EYS: variants seen among roughly 807,000 people sequenced by gnomAD.
EYS encodes the protein EGF-like photoreceptor maintenance factor.
In EYS, 250 loss-of-function variants were observed where a neutral mutation model predicts 282.1. That is an observed-to-expected ratio of 0.89 (90% CI 0.80 to 0.98). The LOEUF (loss-of-function observed/expected upper bound fraction) is 0.98. EYS is among the 50% of genes least tolerant of loss of function. The pLI is 0.00. For missense variants in EYS, 4,016 were observed against 3,709.0 expected (o/e 1.08, Z -2.15); for synonymous variants, 1,355 against 1,282.9 (o/e 1.06, Z -1.20).
intron 19 of EYS, among the ~76,000 whole-genome samples, chr6:64,868,295 G>T (rs901314984): frequency 9.3e-5 from 14 of 151,154 alleles, no homozygotes; most frequent in Non-Finnish European, 1.9e-4. Context: ...ATGTAGAATT[G>T]GATATTTTTT....
chr6:65,417,534 T>G (rs1767287192), intron 5 of EYS, among the ~76,000 whole-genome samples: 1 of 152,050 alleles, frequency 6.6e-6, no homozygotes, highest in Non-Finnish European at 1.5e-5. Context: ...GCAATTTTTT[T>G]TCTCTAAAGA....
chr6:65,353,685 C>A, intron 8 of EYS, 68 bp from the exon 9 acceptor site: 1 of 1,318,740 alleles, frequency 7.6e-7, no homozygotes, highest in South Asian at 1.2e-5. Context: ...ATACATATAA[C>A]ATAAACAGCT....
At chr6:65,614,091 A>C (rs140065971) in intron 2 of EYS, among the ~76,000 whole-genome samples, 12 of 152,108 alleles carry the variant, frequency 7.9e-5, no homozygotes, top group Non-Finnish European at 1.5e-4. Flanking sequence ...CGTGTCTTTA[A>C]ATTTCACTTA....
At chr6:65,245,321 C>T (rs894439263) in intron 12 of EYS, among the ~76,000 whole-genome samples, 2 of 152,146 alleles carry the variant, frequency 1.3e-5, no homozygotes, top group Admixed American at 1.3e-4. Context: ...ATTTTCTCTA[C>T]AGATTACCTA....
At chr6:64,686,788 T>TATAC (rs1770134221) in intron 22 of EYS, among the ~76,000 whole-genome samples, 1 of 9,012 alleles carries the variant, frequency 1.1e-4, no homozygotes, top group South Asian at 4.9e-3. Flanking sequence ...TATATATATA[T>TATAC]GTGTGTATAT....
chr6:65,132,088 C>A (rs137985832), intron 12 of EYS, among the ~76,000 whole-genome samples: 1 of 151,920 alleles, frequency 6.6e-6, no homozygotes, highest in Admixed American at 6.6e-5. Flanking sequence ...GCCCTGTCAA[C>A]CAAAAAAATT....
At chr6:64,983,215 A>G (rs1480859865) in intron 14 of EYS, among the ~76,000 whole-genome samples, 1 of 151,250 alleles carries the variant, frequency 6.6e-6, no homozygotes, top group African/African-American at 2.4e-5. Context: ...CAAAATGTCA[A>G]CAGGATTGCT....
intron 26 of EYS, among the ~76,000 whole-genome samples, chr6:64,549,802 T>C (rs1214688748): frequency 6.6e-6 from 1 of 151,628 alleles, no homozygotes; most frequent in African/African-American, 2.4e-5. Flanking sequence ...TTGTTACATA[T>C]GTATACATGT....
At chr6:64,089,977 TTC>T (rs1319043658) in intron 31 of EYS, among the ~76,000 whole-genome samples, 2 of 152,116 alleles carry the variant, frequency 1.3e-5, no homozygotes, top group Admixed American at 6.6e-5. Context: ...CATCCCTGAT[TTC>T]TCTGTTAACA....
Position 64,137,233 on chromosome 6 carries a change from C to A in EYS, c.6425-55231G>T, listed in dbSNP as rs534377366. 3.4e-5 allele frequency among the ~76,000 whole-genome samples: 5 copies of A among 146,518 alleles called. No individual in the cohort carries two copies. The East Asian group carries it at 7.7e-4, about 23-fold the overall frequency. On this transcript the variant is annotated intron_variant, in intron 31 of 42. Transcript: ENST00000503581. ...TAGAGTTGAAGAGAGTTAGGCGTTG[C>A]TCTGGATTAGTCTTTGGTTTAAGAG... is the stretch of plus-strand genomic sequence containing the variant.
chr6:65,628,236 G>A (rs1389249704), intron 2 of EYS, among the ~76,000 whole-genome samples: 18 of 152,286 alleles, frequency 1.2e-4, no homozygotes, highest in African/African-American at 3.1e-4. Context: ...TCGACACTCC[G>A]TATCTAGCTG....
intron 22 of EYS, among the ~76,000 whole-genome samples, chr6:64,788,013 C>A (rs1233348454): frequency 1.3e-5 from 2 of 151,470 alleles, no homozygotes; most frequent in Non-Finnish European, 2.9e-5. Flanking sequence ...ATTTTTGAAG[C>A]TTTTTTTTCT....
At chr6:64,290,805 G>A (rs1035622949) in intron 30 of EYS, among the ~76,000 whole-genome samples, 2 of 151,124 alleles carry the variant, frequency 1.3e-5, no homozygotes, top group East Asian at 2.0e-4. Context: ...TATGTTCTAC[G>A]TTCTTACACA....
chr6:64,527,000 G>A (rs1268287185), intron 26 of EYS, among the ~76,000 whole-genome samples: 1 of 151,732 alleles, frequency 6.6e-6, no homozygotes, highest in Non-Finnish European at 1.5e-5. Context: ...ATTCCATACT[G>A]TGGATCATAG....
chr6:64,642,744 T>C (rs1768200138), intron 22 of EYS, among the ~76,000 whole-genome samples: 1 of 152,230 alleles, frequency 6.6e-6, no homozygotes, highest in African/African-American at 2.4e-5. Context: ...TATGTATCTA[T>C]TCTTTTCATT....
At chr6:64,843,084 C>A (rs971720783) in intron 19 of EYS, among the ~76,000 whole-genome samples, 1 of 152,120 alleles carries the variant, frequency 6.6e-6, no homozygotes, top group African/African-American at 2.4e-5. Context: ...CCAGGGTCTC[C>A]ATGCTGTGTG....
intron 12 of EYS, among the ~76,000 whole-genome samples, chr6:65,164,239 G>A (rs995290837): frequency 4.6e-5 from 7 of 151,018 alleles, no homozygotes; most frequent in African/African-American, 1.5e-4. Flanking sequence ...GATATATTTC[G>A]GCAAATGTTC....
At position 63,896,442 on chromosome 6, in the gene EYS, G is replaced by A. The variant is rs1175110063; in HGVS notation, c.7056-32084C>T. On this transcript the variant is annotated intron_variant, in intron 35 of 42. Coordinates refer to ENST00000503581, the MANE Select transcript of EYS (RefSeq NM_001142800.2). Reference sequence around the variant, plus strand: ...AATTTTATGTTCACAGCAAAATAGAGTGGGAAGTACAGAGTTCCCATATAC... The same window carrying A: ...AATTTTATGTTCACAGCAAAATAGAATGGGAAGTACAGAGTTCCCATATAC... 4.6e-5 allele frequency among the ~76,000 whole-genome samples: 7 copies of A among 152,148 alleles called. No individual in the cohort carries two copies. In the East Asian group the frequency reaches 1.3e-3, roughly 29 times the overall value.
At chr6:65,114,820 T>G (rs534965538) in intron 12 of EYS, among the ~76,000 whole-genome samples, 1 of 152,088 alleles carries the variant, frequency 6.6e-6, no homozygotes, top group South Asian at 2.1e-4. Context: ...TTCTGAATAC[T>G]CCTATGTACT....
Sources: allele counts gnomAD v4.1 joint callset (sites outside exome capture counted in the v4.1 genomes callset), GRCh38; gene constraint gnomAD v4.1.1; transcripts MANE v1.5; gene names NCBI Gene and HGNC (gene_info 2026-07-23, HGNC 2026-07-21).